MCPH1: variants seen among roughly 807,000 people sequenced by gnomAD.
MCPH1 encodes microcephalin 1, also known as microcephalin.
In MCPH1, 104 loss-of-function variants were observed where a neutral mutation model predicts 84.5. The ratio of observed to expected loss-of-function variants is 1.23; its 90% confidence interval spans 1.05 to 1.45. The LOEUF is 1.45. MCPH1 is among the 40% of genes most tolerant of loss of function. The pLI is 0.00. For synonymous variants in MCPH1, 514 were observed against 366.8 expected, an observed-to-expected ratio of 1.40 and a Z score of -4.58; for missense variants, 1,498 against 1,005.7, an observed-to-expected ratio of 1.49 and a Z score of -6.62.
chr8:6,495,375 C>A (rs1363292468), intron 11 of MCPH1, among the ~76,000 whole-genome samples: 1 of 152,096 alleles, frequency 6.6e-6, no homozygotes, highest in African/African-American at 2.4e-5. Flanking sequence ...TGGTTTAAAC[C>A]CAGTTGTTGA....
intron 9 of MCPH1, among the ~76,000 whole-genome samples, chr8:6,472,458 A>G (rs373796623): frequency 6.6e-6 from 1 of 152,002 alleles, no homozygotes; most frequent in Non-Finnish European, 1.5e-5. Context: ...AATCTTAGAC[A>G]GTTTTTTGTT....
chr8:6,532,500 A>T (rs1394261952), intron 12 of MCPH1: 1 of 1,594,388 alleles, frequency 6.3e-7, no homozygotes, highest in Non-Finnish European at 8.6e-7. Flanking sequence ...AGAAAAGAAC[A>T]GTGTTAGAAG....
At chr8:6,419,011 A>G (rs902073175) in intron 3 of MCPH1, among the ~76,000 whole-genome samples, 1 of 152,048 alleles carries the variant, frequency 6.6e-6, no homozygotes, top group Admixed American at 6.6e-5. Flanking sequence ...AGTTTTAAAT[A>G]TTCTGCTTCG....
intron 12 of MCPH1, among the ~76,000 whole-genome samples, chr8:6,561,478 T>C (rs1304365205): frequency 1.3e-5 from 2 of 152,234 alleles, no homozygotes; most frequent in African/African-American, 4.8e-5. Flanking sequence ...CAAGATCCGT[T>C]CTGAGATTCA....
At chr8:6,568,246 G>T (rs753435583) in intron 12 of MCPH1, among the ~76,000 whole-genome samples, 1 of 117,294 alleles carries the variant, frequency 8.5e-6, no homozygotes, top group Non-Finnish European at 1.7e-5. Context: ...TGGACCCATC[G>T]CTAGCTGAAT....
At chr8:6,543,152 G>C (rs1421999248) in intron 12 of MCPH1, among the ~76,000 whole-genome samples, 1 of 151,450 alleles carries the variant, frequency 6.6e-6, no homozygotes, top group Admixed American at 6.6e-5. Context: ...CTTTCTGCTA[G>C]CACCCAAAAA....
In MCPH1 at chr8:6,543,096, C is replaced by G. The variant is rs561428422; in HGVS notation, c.2214+43167C>G. Among the ~76,000 whole-genome samples, 265 of 152,070 alleles carry G rather than the reference C, an allele frequency of 1.7e-3. 1 individual carries two copies. The highest frequency in any genetic ancestry group is 5.8e-3 in the African/African-American group (241 of 41,448). ...GTCCCACTGCCTCTGGACAGAAACC[C>G]CCGCAACTCCACCCCCAGCCAAGAC... On this transcript the variant is annotated intron_variant, in intron 12 of 13. Transcript: ENST00000344683.
intron 12 of MCPH1, among the ~76,000 whole-genome samples, chr8:6,565,691 C>G (rs1433353257): frequency 6.6e-6 from 1 of 152,186 alleles, no homozygotes; most frequent in Admixed American, 6.5e-5. Context: ...ATGCTATGCA[C>G]TGGGGATAGA....
rs186534471 is a variant in MCPH1, at chr8:6,476,394, A to T, written c.1936-1200A>T. The stretch of plus-strand genomic sequence containing the variant: ...CAGTGAGCCGAGATTGCACCATTGC[A>T]CTCCAGTCTGGGCAACAAGAGCAAA... On this transcript the variant is annotated intron_variant, in intron 9 of 13. Coordinates refer to ENST00000344683, the MANE Select transcript of MCPH1 (RefSeq NM_024596.5). Among the ~76,000 whole-genome samples, 112 of 148,522 alleles carry T rather than the reference A, an allele frequency of 7.5e-4. 1 individual carries two copies. In the Admixed American group the frequency reaches 7.6e-3, roughly 10 times the overall value.
At chr8:6,575,947 C>A (rs1045597919) in intron 12 of MCPH1, among the ~76,000 whole-genome samples, 2 of 151,428 alleles carry the variant, frequency 1.3e-5, no homozygotes, top group African/African-American at 4.8e-5. Context: ...CCCACACCTT[C>A]ACCTCAGATT....
At chr8:6,591,920 T>G (rs1446900833) in intron 12 of MCPH1, among the ~76,000 whole-genome samples, 1 of 152,230 alleles carries the variant, frequency 6.6e-6, no homozygotes, top group African/African-American at 2.4e-5. Flanking sequence ...ACTGTATGTT[T>G]AAAATTTTTC....
chr8:6,569,703 A>C (rs531392535), intron 12 of MCPH1, among the ~76,000 whole-genome samples: 1 of 152,342 alleles, frequency 6.6e-6, no homozygotes, highest in South Asian at 2.1e-4. Flanking sequence ...TTATGAATTT[A>C]AGGAGAATTG....
chr8:6,626,848 G>T (rs1024149518), intron 13 of MCPH1: 3 of 984,972 alleles, frequency 3.0e-6, no homozygotes, highest in Non-Finnish European at 3.6e-6. Context: ...CTGTTATCAC[G>T]AAAGGCTGGC....
At chr8:6,639,757 C>G (rs1311147685) in intron 13 of MCPH1, among the ~76,000 whole-genome samples, 4 of 151,832 alleles carry the variant, frequency 2.6e-5, no homozygotes, top group Non-Finnish European at 4.4e-5. Context: ...TGGAGAATGA[C>G]ATGCTTTTTC....
chr8:6,632,821 G>GA (rs11464307), intron 13 of MCPH1, among the ~76,000 whole-genome samples: 16,142 of 149,918 alleles, frequency 0.11, 1,255 homozygotes, highest in East Asian at 0.36. Context: ...AAGAAGAAAA[G>GA]AAAAAAAAAC....
rs1798171998 is a variant in MCPH1, at chr8:6,645,461, C to T, written c.*2412C>T. On this transcript the variant is annotated 3_prime_UTR_variant, in exon 14 of 14. Coordinates refer to ENST00000344683, the MANE Select transcript of MCPH1 (RefSeq NM_024596.5). Reference sequence around the variant, plus strand: ...AAAATTTGTAAAGGCTTATGGCTCTCACCACTGTTATTCAACGTTGCATTA... The same window carrying T: ...AAAATTTGTAAAGGCTTATGGCTCTTACCACTGTTATTCAACGTTGCATTA... 2 of 152,038 alleles carry T rather than the reference C, an allele frequency of 1.3e-5. No homozygotes were observed. Among genetic ancestry groups the T allele is most frequent in the East Asian group, 3.9e-4 (2 of 5,192 alleles). The allele number at this position is 152,038 out of a possible 1,614,324, so 9.4% of individuals were successfully genotyped here.
At chr8:6,465,350 C>T (rs1470075335) in intron 9 of MCPH1, among the ~76,000 whole-genome samples, 3 of 152,330 alleles carry the variant, frequency 2.0e-5, no homozygotes, top group East Asian at 1.9e-4. Context: ...CCACTTCCCG[C>T]GGAGCTGTTC....
At chr8:6,596,347 C>G (rs1194260202) in intron 12 of MCPH1, among the ~76,000 whole-genome samples, 3 of 152,166 alleles carry the variant, frequency 2.0e-5, no homozygotes, top group African/African-American at 7.2e-5. Flanking sequence ...ATGAGTGGGT[C>G]TATGGCACAG....
intron 6 of MCPH1, among the ~76,000 whole-genome samples, chr8:6,439,681 C>T (rs553003915): frequency 1.3e-5 from 2 of 152,234 alleles, no homozygotes; most frequent in South Asian, 2.1e-4. Context: ...GTAATCCAGG[C>T]GTGAGCCACC....
Sources: gnomAD v4.1 joint callset for allele counts (sites outside exome capture counted in the v4.1 genomes callset) on GRCh38, gnomAD v4.1.1 for gene constraint, MANE v1.5 for transcripts, NCBI Gene and HGNC (gene_info 2026-07-23, HGNC 2026-07-21) for gene names.